Variants in PBX1 observed in about 807,000 individuals in gnomAD.
The protein encoded by PBX1 is PBX homeobox 1, also known as pre-B-cell leukemia transcription factor 1.
In PBX1, 6 loss-of-function variants were observed where a neutral mutation model predicts 53.4. That is an observed-to-expected ratio of 0.11 (90% confidence interval 0.06 to 0.22). PBX1 has a LOEUF of 0.22. PBX1 is among the 10% of genes least tolerant of loss of function. PBX1 has a pLI of 1.00. For missense variants in PBX1, 251 were observed against 551.4 expected (o/e 0.46, Z 5.46); for synonymous variants, 204 against 212.3 (o/e 0.96, Z 0.34).
intron 2 of PBX1, among the ~76,000 whole-genome samples, chr1:164,723,586 C>T (rs1430123133): frequency 6.6e-6 from 1 of 152,192 alleles, no homozygotes; most frequent in Non-Finnish European, 1.5e-5. Context: ...CCAAGAAACA[C>T]ATTCAGAGAA....
chr1:164,560,779 A>G (rs1435725018), intron 1 of PBX1, among the ~76,000 whole-genome samples: 1 of 152,144 alleles, frequency 6.6e-6, no homozygotes, highest in African/African-American at 2.4e-5. Flanking sequence ...TCCGTGACAC[A>G]GACAGCTATG....
chr1:164,635,040 A>G (rs1349315675), intron 2 of PBX1, among the ~76,000 whole-genome samples: 1 of 138,192 alleles, frequency 7.2e-6, no homozygotes, highest in African/African-American at 2.7e-5. Flanking sequence ...TATTCTTATA[A>G]GAGGCAAGTG....
intron 2 of PBX1, among the ~76,000 whole-genome samples, chr1:164,612,486 C>T (rs867167368): frequency 3.3e-5 from 5 of 152,316 alleles, no homozygotes; most frequent in South Asian, 4.2e-4. Context: ...TCGAGCAGTG[C>T]TGCTGGACTT....
At chr1:164,880,623 G>A (rs1053196181) in intron 2 of PBX1, among the ~76,000 whole-genome samples, 2 of 152,308 alleles carry the variant, frequency 1.3e-5, no homozygotes, top group East Asian at 3.9e-4. Flanking sequence ...AAAGTTGACA[G>A]GCCCTTGGGA....
Position 164,812,133 on chromosome 1 carries a change from A to G in PBX1, c.981A>G (p.Ser327=). 6.2e-7 allele frequency: 1 copy of G among 1,611,172 alleles called. No homozygotes were observed. The highest frequency in any genetic ancestry group is 8.5e-7 in the Non-Finnish European group (1 of 1,178,490). The change falls in exon 6 of 9, where the codon TCA becomes TCG. Residue 327 remains serine, a synonymous_variant. Transcript: ENST00000420696. ...ATGGAAGCCAAGCTAACTCGCCCTC[A>G]ACTCCCAACTCGGCTGGTTAGTTTT... ...SAHGSQANSP[S]TPNSAGSSSS...
Position 164,559,781 on chromosome 1 carries a change from G to T in PBX1, c.-42G>T. ...GGTGCTTCCCAGGAGCCGAGCCGAG[G>T]AGCAGAAGAGGAAGAGCCGGGGGCT... On this transcript the variant is annotated 5_prime_UTR_variant, in exon 1 of 9. Coordinates refer to ENST00000420696, the MANE Select transcript of PBX1 (RefSeq NM_002585.4). 1 of 1,483,968 alleles carries T rather than the reference G, an allele frequency of 6.7e-7. No homozygotes were observed. Among genetic ancestry groups the T allele is most frequent in the South Asian group, 1.3e-5 (1 of 79,500 alleles). 91.9% of individuals were successfully genotyped at this position (1,483,968 alleles called of 1,614,324 possible).
At chr1:164,683,278 G>T (rs1428288013) in intron 2 of PBX1, 1 of 152,130 alleles carries the variant, frequency 6.6e-6, no homozygotes, top group Non-Finnish European at 1.5e-5. Flanking sequence ...TTTTACAGAA[G>T]AAGAAACCCA....
intron 2 of PBX1, among the ~76,000 whole-genome samples, chr1:164,587,326 G>C (rs1441849801): frequency 1.3e-5 from 2 of 152,210 alleles, no homozygotes; most frequent in Non-Finnish European, 2.9e-5. Flanking sequence ...GTTGTGGAGA[G>C]TGTTGTGGTG....
At chr1:164,856,654 T>C (rs10918081), downstream of PBX1, among the ~76,000 whole-genome samples, 79,527 of 151,888 alleles carry the variant, frequency 0.52, 21,053 homozygotes, top group African/African-American at 0.56. Flanking sequence ...CCATTTCCTA[T>C]GCTACACCTT....
At chr1:164,884,560 T>C in intron 2 of PBX1, 1 of 516,080 alleles carries the variant, frequency 1.9e-6, no homozygotes, top group South Asian at 1.6e-5. Flanking sequence ...AAGAACCTAT[T>C]GATGGCTTGG....
chr1:164,726,065 G>GT (rs143527675), intron 2 of PBX1, among the ~76,000 whole-genome samples: 1 of 152,222 alleles, frequency 6.6e-6, no homozygotes, highest in Non-Finnish European at 1.5e-5. Context: ...ATACTGCCTG[G>GT]TTTCTTCTAT....
chr1:164,794,745 A>G (rs954264060), intron 3 of PBX1, among the ~76,000 whole-genome samples: 3 of 152,168 alleles, frequency 2.0e-5, no homozygotes, highest in African/African-American at 7.2e-5. Flanking sequence ...CTTATTACCC[A>G]ATGTTCTTCC....
intron 7 of PBX1, 142 bp from the exon 8 acceptor site, chr1:164,821,395 A>G: frequency 1.5e-6 from 1 of 677,734 alleles, no homozygotes. Context: ...CCTCCTCCTA[A>G]TGGACTCTCC....
At chr1:164,868,376 G>A (rs569339919) in intron 2 of PBX1, among the ~76,000 whole-genome samples, 2 of 152,170 alleles carry the variant, frequency 1.3e-5, no homozygotes, top group Non-Finnish European at 2.9e-5. Context: ...TTAAGGGTCC[G>A]GGCTTTTGTT....
At chr1:164,812,210 GT>G in intron 6 of PBX1, 61 bp downstream of exon 6, 1 of 1,433,534 alleles carries the variant, frequency 7.0e-7, no homozygotes, top group South Asian at 1.3e-5. Flanking sequence ...TATACTGGCT[GT>G]TCCTACATTG....
intron 8 of PBX1, 52 bp downstream of exon 8, chr1:164,821,678 C>A: frequency 6.6e-6 from 9 of 1,370,374 alleles, no homozygotes; most frequent in Non-Finnish European, 9.4e-6. Flanking sequence ...CTTTCACTAC[C>A]AATTATTTCA....
chr1:164,812,101 T>G lies in PBX1; in HGVS notation c.949T>G (p.Ser317Ala), dbSNP rs1669639792. The change falls in exon 6 of 9, where the codon TCA (serine) becomes GCA (alanine). Residue 317 changes from serine to alanine, a missense_variant. Physicochemically the swap from Ser to Ala is moderately conservative, Grantham distance 99. Coordinates refer to ENST00000420696, the MANE Select transcript of PBX1 (RefSeq NM_002585.4). ...AKTAVTATNV[S>A]AHGSQANSPS... is the part of the protein sequence containing the mutation. ...AACAGCTGTCACTGCTACCAATGTG[T>G]CAGCCCATGGAAGCCAAGCTAACTC... The G allele has an allele frequency of 6.2e-7, 1 of 1,613,736 alleles. No individual in the cohort carries two copies. The highest frequency in any genetic ancestry group is 1.1e-5 in the South Asian group (1 of 91,006).
chr1:164,820,160 G>A lies in PBX1; in HGVS notation c.1086G>A (p.Gln362=), dbSNP rs1293305544. ...SLNGDSYQGA[Q]VGANVQSQVD... is the part of the protein sequence containing the mutation. ...ATGGGGATTCTTACCAAGGGGCCCA[G>A]GTTGGAGCCAACGTGCAATCACAGG... Residue 362 remains glutamine, a synonymous_variant, in exon 7 of 9, where the codon CAG becomes CAA. Coordinates refer to ENST00000420696, the MANE Select transcript of PBX1 (RefSeq NM_002585.4). 1 of 1,612,676 alleles carries A rather than the reference G, an allele frequency of 6.2e-7. No individual in the cohort carries two copies. Among genetic ancestry groups the A allele is most frequent in the Admixed American group, 1.7e-5 (1 of 60,012 alleles).
chr1:164,692,300 C>T (rs1031328551), intron 2 of PBX1, among the ~76,000 whole-genome samples: 1 of 152,098 alleles, frequency 6.6e-6, no homozygotes, highest in African/African-American at 2.4e-5. Flanking sequence ...TCAGAAGTGC[C>T]ATAGATGCAC....
Sources: allele counts gnomAD v4.1 joint callset (sites outside exome capture counted in the v4.1 genomes callset), GRCh38; gene constraint gnomAD v4.1.1; transcripts MANE v1.5; gene names NCBI Gene and HGNC (gene_info 2026-07-23, HGNC 2026-07-21).